Variants in ANGPT1 observed in about 807,000 individuals in gnomAD.
The protein encoded by ANGPT1 is angiopoietin 1.
In ANGPT1, 17 loss-of-function variants were observed where a neutral mutation model predicts 62.2. The observed-to-expected ratio is 0.27, with a 90% CI of 0.19 to 0.41. ANGPT1 has a LOEUF of 0.41. ANGPT1 is among the 10% of genes least tolerant of loss of function. The pLI is 1.00. For synonymous variants in ANGPT1, 199 were observed against 198.9 expected, an observed-to-expected ratio of 1.00 and a Z score of 0.00; for missense variants, 478 against 594.9, an observed-to-expected ratio of 0.80 and a Z score of 2.04.
At chr8:107,470,544 T>C (rs1182814774) in intron 1 of ANGPT1, among the ~76,000 whole-genome samples, 1 of 152,112 alleles carries the variant, frequency 6.6e-6, no homozygotes, top group East Asian at 1.9e-4. Context: ...CTTTGTCAGA[T>C]GGATAGATTG....
intron 4 of ANGPT1, among the ~76,000 whole-genome samples, chr8:107,305,390 A>G (rs1188396289): frequency 1.3e-5 from 2 of 151,910 alleles, no homozygotes; most frequent in Non-Finnish European, 2.9e-5. Context: ...ATGTATGGAG[A>G]ACACATTCCC....
intron 1 of ANGPT1, among the ~76,000 whole-genome samples, chr8:107,391,527 C>T (rs1232132392): frequency 5.3e-5 from 8 of 151,962 alleles, no homozygotes; most frequent in Non-Finnish European, 1.2e-4. Flanking sequence ...ATTAGCCAGG[C>T]GTGGTGGCAG....
rs550956790 is a variant in ANGPT1, at chr8:107,463,677, T to C, written c.297+33585A>G. Among the ~76,000 whole-genome samples, 3 of 152,220 alleles carry C rather than the reference T, an allele frequency of 2.0e-5. No homozygotes were observed. The South Asian group carries it at 6.2e-4, about 32-fold the overall frequency. ...TTAATCTTTTTTGAATAAACCAATA[T>C]TTAAAGATAATGTGATTATATATAT... is the stretch of plus-strand genomic sequence containing the variant. On this transcript the variant is annotated intron_variant, in intron 1 of 8. Coordinates refer to ENST00000517746, the MANE Select transcript of ANGPT1 (RefSeq NM_001146.5).
intron 4 of ANGPT1, among the ~76,000 whole-genome samples, chr8:107,318,440 A>G (rs1420255586): frequency 6.6e-6 from 1 of 152,196 alleles, no homozygotes; most frequent in Non-Finnish European, 1.5e-5. Flanking sequence ...GGATCAAACA[A>G]ATGTTTGGGA....
chr8:107,278,352 G>A (rs761847299), intron 7 of ANGPT1, among the ~76,000 whole-genome samples: 3 of 152,072 alleles, frequency 2.0e-5, no homozygotes, highest in Admixed American at 6.6e-5. Context: ...CCTAAGTGGT[G>A]GAATTACAGG....
chr8:107,306,190 C>A (rs1814712224), intron 4 of ANGPT1, among the ~76,000 whole-genome samples: 1 of 151,944 alleles, frequency 6.6e-6, no homozygotes, highest in Non-Finnish European at 1.5e-5. Context: ...ATGTGGAAGG[C>A]CAGTCTAGGG....
intron 7 of ANGPT1, among the ~76,000 whole-genome samples, chr8:107,274,772 C>A (rs904557793): frequency 6.6e-6 from 1 of 152,094 alleles, no homozygotes; most frequent in Admixed American, 6.6e-5. Flanking sequence ...ACAAAAAAAT[C>A]ACCTGTGTTG....
chr8:107,338,433 T>A (rs1286734951), intron 2 of ANGPT1, among the ~76,000 whole-genome samples: 1 of 152,206 alleles, frequency 6.6e-6, no homozygotes, highest in Non-Finnish European at 1.5e-5. Context: ...CCTACAGTCC[T>A]AGCCCCGCAA....
chr8:107,372,197 C>T (rs899430278), intron 1 of ANGPT1, among the ~76,000 whole-genome samples: 4 of 151,546 alleles, frequency 2.6e-5, no homozygotes, highest in Non-Finnish European at 4.4e-5. Context: ...GTAGCAGAGC[C>T]TCAGTTTACT....
chr8:107,373,490 T>C lies in ANGPT1; in HGVS notation c.298-26393A>G, dbSNP rs1586267545. On this transcript the variant is annotated intron_variant, in intron 1 of 8. Coordinates refer to ENST00000517746, the MANE Select transcript of ANGPT1 (RefSeq NM_001146.5). ...TGCAGTGCTGTTGGGTTTGAGTATA[T>C]CTGTCATGTTGGAAGAAGGAATGAG... 2.6e-5 allele frequency among the ~76,000 whole-genome samples: 4 copies of C among 152,290 alleles called. No homozygotes were observed. The East Asian group carries it at 5.8e-4, about 22-fold the overall frequency.
intron 2 of ANGPT1, among the ~76,000 whole-genome samples, chr8:107,345,004 A>G (rs938403668): frequency 6.6e-6 from 1 of 152,212 alleles, no homozygotes; most frequent in African/African-American, 2.4e-5. Flanking sequence ...TACATATAAC[A>G]GGTTCGAAGC....
rs542497125 is a variant in ANGPT1 at position 107,346,004 on chromosome 8, AT to A, written c.453+937del. On this transcript the variant is annotated intron_variant, in intron 2 of 8. Coordinates refer to ENST00000517746, the MANE Select transcript of ANGPT1 (RefSeq NM_001146.5). ...ATGTGAGAAATCACTCAAGCTAGTG[AT>A]TTCTAGCTAAAAGATCTATCTATCT... 1.4e-3 allele frequency among the ~76,000 whole-genome samples: 215 copies of A among 152,290 alleles called. 1 individual carries two copies. The highest frequency in any genetic ancestry group is 5.0e-3 in the African/African-American group (208 of 41,548).
At chr8:107,282,254 C>T (rs987849714) in intron 7 of ANGPT1, among the ~76,000 whole-genome samples, 12 of 151,804 alleles carry the variant, frequency 7.9e-5, no homozygotes, top group Admixed American at 5.9e-4. Flanking sequence ...AAAATGATGA[C>T]TGCACATCTA....
rs1425805615 is a variant in ANGPT1, at chr8:107,497,055, GC to G, written c.297+206del. ...CCAGGGCTAGACACACAAACGGGGT[GC>G]CCCCACACATTCATAGGTTTGGGCA... On this transcript the variant is annotated intron_variant, in intron 1 of 8. Transcript: ENST00000517746. 3.3e-5 allele frequency among the ~76,000 whole-genome samples: 5 copies of G among 152,276 alleles called. No individual in the cohort carries two copies. The East Asian group carries it at 9.7e-4, about 29-fold the overall frequency.
chr8:107,312,063 CAA>C (rs927603600), intron 4 of ANGPT1, among the ~76,000 whole-genome samples: 14 of 71,054 alleles, frequency 2.0e-4, no homozygotes, highest in East Asian at 8.6e-4. Flanking sequence ...GACTCCGTTT[CAA>C]AAAAAAAAAA....
At chr8:107,253,241 T>C (rs1184555770) in intron 8 of ANGPT1, among the ~76,000 whole-genome samples, 1 of 152,172 alleles carries the variant, frequency 6.6e-6, no homozygotes, top group African/African-American at 2.4e-5. Flanking sequence ...ACAACATAAA[T>C]GTTAATGTAG....
At chr8:107,490,629 T>C (rs984107227) in intron 1 of ANGPT1, among the ~76,000 whole-genome samples, 2 of 152,184 alleles carry the variant, frequency 1.3e-5, no homozygotes, top group African/African-American at 4.8e-5. Context: ...ATGGTCCCAA[T>C]ACTAATACTA....
intron 1 of ANGPT1, among the ~76,000 whole-genome samples, chr8:107,445,243 C>T (rs780428393): frequency 5.3e-5 from 8 of 152,102 alleles, no homozygotes; most frequent in African/African-American, 1.4e-4. Context: ...ATTATTCTGA[C>T]GGATCCTGCT....
intron 1 of ANGPT1, among the ~76,000 whole-genome samples, chr8:107,465,446 C>G (rs968768124): frequency 6.6e-6 from 1 of 152,050 alleles, no homozygotes; most frequent in African/African-American, 2.4e-5. Context: ...ATTTAAAAAG[C>G]ATATATCTTT....
Sources: allele counts gnomAD v4.1 joint callset (sites outside exome capture counted in the v4.1 genomes callset), GRCh38; gene constraint gnomAD v4.1.1; transcripts MANE v1.5; gene names NCBI Gene and HGNC (gene_info 2026-07-23, HGNC 2026-07-21).